The following SRP54 variants were observed in gnomAD, a reference collection of about 807,000 sequenced individuals.
SRP54 encodes the protein signal recognition particle 54.
SRP54 carries 10 observed loss-of-function variants against 64.8 expected under a neutral mutation model. The ratio of observed to expected loss-of-function variants is 0.15; its 90% confidence interval spans 0.10 to 0.26. The LOEUF is 0.26. Among genes scored for constraint, SRP54 ranks in the 10% least tolerant of loss-of-function variants. The pLI, the probability that SRP54 is intolerant of heterozygous loss-of-function variation, is 1.00. For synonymous variants in SRP54, 193 were observed against 185.6 expected, an observed-to-expected ratio of 1.04 and a Z score of -0.32; for missense variants, 325 against 613.7, an observed-to-expected ratio of 0.53 and a Z score of 4.97.
At chr14:34,988,638 C>T (rs888178022) in intron 1 of SRP54, among the ~76,000 whole-genome samples, 42 of 128,270 alleles carry the variant, frequency 3.3e-4, no homozygotes, top group Admixed American at 1.0e-3. Flanking sequence ...AATACAATAC[C>T]TATAGGCCAT....
intron 4 of SRP54, among the ~76,000 whole-genome samples, chr14:35,003,325 G>A (rs926568417): frequency 1.3e-5 from 2 of 151,982 alleles, no homozygotes; most frequent in Non-Finnish European, 2.9e-5. Flanking sequence ...AAAACTCCCT[G>A]GTATGAATCA....
At chr14:34,994,983 T>C (rs960948849) in intron 1 of SRP54, among the ~76,000 whole-genome samples, 16 of 148,218 alleles carry the variant, frequency 1.1e-4, no homozygotes, top group African/African-American at 4.0e-4. Flanking sequence ...CTGCCTGCTA[T>C]GTTGCCCAGG....
intron 11 of SRP54, 56 bp downstream of exon 11, chr14:35,014,886 A>G (rs915414606): frequency 4.6e-6 from 6 of 1,312,124 alleles, no homozygotes; most frequent in Non-Finnish European, 6.5e-6. Context: ...GATTTTTTTT[A>G]TAAAGTTACT....
chr14:35,013,892 C>T lies in SRP54; in HGVS notation c.876C>T (p.Ser292=). Residue 292 remains serine, a synonymous_variant, in exon 10 of 16, where the codon AGC becomes AGT. Transcript: ENST00000216774. The part of the protein sequence containing the change: ...FEPFKTQPFI[S]KLLGMGDIEG... ...CTTTCAAAACACAGCCTTTTATTAG[C>T]AAACTTCTTGGTATGTACAGTGGTG... The T allele has an allele frequency of 6.2e-7, 1 of 1,611,178 alleles. No homozygotes were observed. Among genetic ancestry groups the T allele is most frequent in the African/African-American group, 1.3e-5 (1 of 74,952 alleles).
chr14:35,023,632 A>G (rs1392326134), intron 14 of SRP54, among the ~76,000 whole-genome samples: 2 of 151,934 alleles, frequency 1.3e-5, no homozygotes, highest in Admixed American at 6.6e-5. Flanking sequence ...TAAAATACAA[A>G]AAATATCCGG....
At chr14:35,023,104 A>G in intron 14 of SRP54, 24 bp downstream of exon 14, 1 of 1,043,316 alleles carries the variant, frequency 9.6e-7, no homozygotes, top group South Asian at 1.8e-5. Context: ...GCTTGTTATT[A>G]GTTAACAGAC....
At chr14:34,986,482 A>C (rs1304513958) in intron 1 of SRP54, among the ~76,000 whole-genome samples, 1 of 152,168 alleles carries the variant, frequency 6.6e-6, no homozygotes, top group African/African-American at 2.4e-5. Flanking sequence ...GACTAGTTGC[A>C]CTCTAATTCT....
intron 7 of SRP54, 52 bp from the exon 8 acceptor site, chr14:35,011,457 T>C (rs930759982): frequency 1.2e-5 from 15 of 1,300,836 alleles, no homozygotes; most frequent in Non-Finnish European, 1.4e-5. Flanking sequence ...TCCGAATTAG[T>C]AGTATTTGGA....
At chr14:35,012,147 C>A (rs999226166) in intron 8 of SRP54, among the ~76,000 whole-genome samples, 2 of 146,630 alleles carry the variant, frequency 1.4e-5, no homozygotes, top group Non-Finnish European at 3.0e-5. Flanking sequence ...ACCCGGGAGG[C>A]AGAGGTTGCA....
At position 35,013,382 on chromosome 14, in the gene SRP54, A is replaced by G. The variant is rs2139007390; in HGVS notation, c.673A>G (p.Ile225Val). ...DNIVYVMDAS[I>V]GQACEAQAKA... is the part of the protein sequence containing the mutation. ...CATTGTTTATGTGATGGATGCCTCCATTGGGCAGGCTTGTGAAGCCCAGGC... is the reference window on the plus strand; with the variant it reads ...CATTGTTTATGTGATGGATGCCTCCGTTGGGCAGGCTTGTGAAGCCCAGGC... Residue 225 changes from isoleucine to valine, a missense_variant, in exon 9 of 16, where the codon ATT (isoleucine) becomes GTT (valine). By Grantham distance (29) the Ile-to-Val change is conservative (BLOSUM62 3). Transcript: ENST00000216774. 2 of 1,614,050 alleles carry G rather than the reference A, an allele frequency of 1.2e-6. No homozygotes were observed. Among genetic ancestry groups the G allele is most frequent in the East Asian group, 2.2e-5 (1 of 44,880 alleles).
Position 35,018,715 on chromosome 14 carries a change from T to G in SRP54, c.997T>G (p.Tyr333Asp). ...AGGTCAGTTTACGTTGCGAGACATGTATGAGCAATTTCAAAATATCATGAA... is the reference window on the plus strand; with the variant it reads ...AGGTCAGTTTACGTTGCGAGACATGGATGAGCAATTTCAAAATATCATGAA... ...KHGQFTLRDM[Y>D]EQFQNIMKMG... Residue 333 changes from tyrosine to aspartate, a missense_variant, in exon 12 of 16, where the codon TAT (tyrosine) becomes GAT (aspartate). Tyr to Asp is a radical substitution (Grantham distance 160). Around this residue, in one of 3 missense-constraint regions of SRP54, gnomAD observed 146 missense variants for 337.4 expected, o/e 0.43. Coordinates refer to ENST00000216774, the MANE Select transcript of SRP54 (RefSeq NM_003136.4). 6.2e-7 allele frequency: 1 copy of G among 1,613,636 alleles called. No homozygotes were observed. Among genetic ancestry groups the G allele is most frequent in the Non-Finnish European group, 8.5e-7 (1 of 1,179,816 alleles).
chr14:34,996,984 A>G (rs1022839031), intron 2 of SRP54, 197 bp downstream of exon 2: 1 of 409,762 alleles, frequency 2.4e-6, no homozygotes, highest in South Asian at 5.8e-5. Flanking sequence ...TCAACTTTCT[A>G]TAAAGAATTT....
intron 11 of SRP54, among the ~76,000 whole-genome samples, chr14:35,016,700 T>TGAA (rs2044444224): frequency 1.3e-5 from 2 of 152,178 alleles, no homozygotes; most frequent in Non-Finnish European, 2.9e-5. Context: ...TGCTTGAAGG[T>TGAA]GAAGGTAGAG....
At chr14:35,001,072 G>C (rs956180079) in intron 4 of SRP54, 52 bp downstream of exon 4, 1 of 847,586 alleles carries the variant, frequency 1.2e-6, no homozygotes, top group South Asian at 2.0e-5. Context: ...GGATAAAAAA[G>C]CGTTAGCACT....
chr14:35,014,038 A>G (rs1595004840), intron 10 of SRP54, 136 bp downstream of exon 10: 2 of 635,312 alleles, frequency 3.1e-6, no homozygotes, highest in East Asian at 2.9e-5. Context: ...TTACCTGTAA[A>G]ATAGAGATAA....
chr14:35,007,640 TATA>T (rs33969243), intron 5 of SRP54, among the ~76,000 whole-genome samples: 13,404 of 95,970 alleles, frequency 0.14, 1,183 homozygotes, highest in East Asian at 0.24. Context: ...ATATTTATAT[TATA>T]ATAAAATATA....
At chr14:34,995,008 C>A (rs1397483800) in intron 1 of SRP54, among the ~76,000 whole-genome samples, 1 of 145,792 alleles carries the variant, frequency 6.9e-6, no homozygotes, top group African/African-American at 2.6e-5. Flanking sequence ...TTTCCAACTC[C>A]TGAGCCCAAG....
chr14:34,999,295 G>A (rs762761583), intron 2 of SRP54, among the ~76,000 whole-genome samples: 20 of 151,956 alleles, frequency 1.3e-4, no homozygotes, highest in African/African-American at 3.1e-4. Context: ...GATTACAGGC[G>A]TGAGCCACCA....
intron 13 of SRP54, 121 bp from the exon 14 acceptor site, chr14:35,022,789 A>G (rs2044555119): frequency 3.0e-6 from 2 of 663,234 alleles, no homozygotes; most frequent in Non-Finnish European, 4.5e-6. Context: ...AAGAAAAATG[A>G]GATAGTTATC....
Sources: allele counts gnomAD v4.1 joint callset (sites outside exome capture counted in the v4.1 genomes callset), GRCh38; gene constraint gnomAD v4.1.1; regional missense constraint gnomAD v4.1.1; transcripts MANE v1.5; gene names NCBI Gene and HGNC (gene_info 2026-07-23, HGNC 2026-07-21).